The following TRPM3 variants were observed in gnomAD, a reference collection of about 807,000 sequenced individuals.
TRPM3 encodes long transient receptor potential channel 3.
TRPM3 carries 77 observed loss-of-function variants against 181.2 expected under a neutral mutation model. That is an observed-to-expected ratio of 0.42 (90% confidence interval 0.35 to 0.51). The LOEUF is 0.51. TRPM3 is among the 20% of genes least tolerant of loss of function. TRPM3 has a pLI of 0.01. For missense variants in TRPM3, 1,759 were observed against 2,196.7 expected (o/e 0.80, Z 3.98); for synonymous variants, 745 against 796.4 (o/e 0.94, Z 1.09).
chr9:70,869,791 T>A (rs1218788320), intron 1 of TRPM3, among the ~76,000 whole-genome samples: 1 of 151,996 alleles, frequency 6.6e-6, no homozygotes, highest in African/African-American at 2.4e-5. Flanking sequence ...TGGATGCAGA[T>A]CAAAAGTTGT....
intron 1 of TRPM3, among the ~76,000 whole-genome samples, chr9:71,226,923 A>G (rs1226803156): frequency 6.6e-6 from 1 of 151,932 alleles, no homozygotes; most frequent in African/African-American, 2.4e-5. Flanking sequence ...ATTTAATCCA[A>G]TGACTGCAGA....
chr9:71,316,340 G>A (rs1452501364), intron 1 of TRPM3, among the ~76,000 whole-genome samples: 1 of 152,074 alleles, frequency 6.6e-6, no homozygotes, highest in Non-Finnish European at 1.5e-5. Flanking sequence ...AACTGTTCTA[G>A]TATTTTACCC....
intron 7 of TRPM3, among the ~76,000 whole-genome samples, chr9:70,766,895 T>C (rs1268811626): frequency 6.6e-6 from 1 of 152,240 alleles, no homozygotes; most frequent in African/African-American, 2.4e-5. Context: ...TGTTCTATTT[T>C]TCATATATGT....
intron 1 of TRPM3, among the ~76,000 whole-genome samples, chr9:71,172,953 G>C (rs968820646): frequency 2.6e-5 from 4 of 152,148 alleles, no homozygotes; most frequent in Non-Finnish European, 5.9e-5. Flanking sequence ...AAGTAAGTGG[G>C]CATAAACACA....
Position 70,534,088 on chromosome 9 carries a change from T to C in TRPM3, c.*1865A>G, listed in dbSNP as rs2131555886. The C allele has an allele frequency of 6.6e-6, 1 of 152,294 alleles. No individual in the cohort carries two copies. The highest frequency in any genetic ancestry group is 1.9e-4 in the East Asian group (1 of 5,186). 9.4% of individuals were successfully genotyped at this position (152,294 alleles called of 1,614,324 possible). On this transcript the variant is annotated 3_prime_UTR_variant, in exon 26 of 26. Coordinates refer to ENST00000677713, the MANE Select transcript of TRPM3 (RefSeq NM_001366145.2). ...AATGAGCCAAATAGGAATCCAAAGA[T>C]TTGGGGTCAAGATTTCTTTATCCCA...
At chr9:70,667,498 C>T (rs768177896) in intron 9 of TRPM3, among the ~76,000 whole-genome samples, 5 of 152,138 alleles carry the variant, frequency 3.3e-5, no homozygotes, top group Admixed American at 1.3e-4. Flanking sequence ...AGTGTTGTGG[C>T]CCAGGTCTCA....
At chr9:71,023,425 A>G (rs996180943) in intron 1 of TRPM3, among the ~76,000 whole-genome samples, 1 of 152,194 alleles carries the variant, frequency 6.6e-6, no homozygotes, top group African/African-American at 2.4e-5. Context: ...ATAGTTTGTC[A>G]ATGTCTCATA....
chr9:71,385,594 T>G (rs1355860413), intron 1 of TRPM3, among the ~76,000 whole-genome samples: 1 of 152,188 alleles, frequency 6.6e-6, no homozygotes, highest in East Asian at 1.9e-4. Context: ...CAACACTCAT[T>G]CAAATTAAAT....
intron 12 of TRPM3, among the ~76,000 whole-genome samples, chr9:70,628,877 G>A (rs1376879438): frequency 1.4e-5 from 2 of 146,526 alleles, no homozygotes; most frequent in Admixed American, 6.9e-5. Flanking sequence ...TAACACCTAT[G>A]TATTTTGCTT....
intron 1 of TRPM3, among the ~76,000 whole-genome samples, chr9:71,253,422 G>T (rs965985730): frequency 1.3e-5 from 2 of 152,164 alleles, no homozygotes; most frequent in Admixed American, 1.3e-4. Context: ...CTGTCATCTA[G>T]TTGGTAGAGG....
At chr9:70,809,625 T>C (rs1308829250) in intron 6 of TRPM3, among the ~76,000 whole-genome samples, 1 of 152,214 alleles carries the variant, frequency 6.6e-6, no homozygotes, top group East Asian at 1.9e-4. Context: ...TTATACCTTC[T>C]AGGTTTGTAT....
intron 1 of TRPM3, among the ~76,000 whole-genome samples, chr9:71,147,845 G>A (rs941081258): frequency 3.3e-5 from 5 of 152,062 alleles, no homozygotes; most frequent in African/African-American, 1.2e-4. Context: ...CAATAAACAG[G>A]GGCCTTACAA....
chr9:71,438,657 A>T (rs1194098917), intron 1 of TRPM3, among the ~76,000 whole-genome samples: 1 of 152,230 alleles, frequency 6.6e-6, no homozygotes, highest in Non-Finnish European at 1.5e-5. Context: ...TGGGCGATAG[A>T]GTGAGACTCT....
chr9:70,956,922 T>A (rs939947083), intron 1 of TRPM3, among the ~76,000 whole-genome samples: 1 of 151,076 alleles, frequency 6.6e-6, no homozygotes, highest in Non-Finnish European at 1.5e-5. Flanking sequence ...AATTTTGACA[T>A]TTAAAAAAAA....
Position 70,538,485 on chromosome 9 carries a change from A to G in TRPM3, c.3708-1080T>C, listed in dbSNP as rs112234595. Among the ~76,000 whole-genome samples, 1,105 of 152,184 alleles carry G rather than the reference A, an allele frequency of 7.3e-3. 28 individuals are homozygous for G. The East Asian group carries it at 0.097, about 13-fold the overall frequency. On this transcript the variant is annotated intron_variant, in intron 25 of 25. Transcript: ENST00000677713. ...ACTCTGTTACTTAGGCTGAAGTGCA[A>G]TGGTGTGATCATGGCTCACTGCAGC...
chr9:70,632,793 A>G (rs1232516884), intron 12 of TRPM3, among the ~76,000 whole-genome samples: 1 of 152,086 alleles, frequency 6.6e-6, no homozygotes, highest in East Asian at 1.9e-4. Flanking sequence ...TTGTTAGTCT[A>G]TATTATTTTT....
chr9:71,164,086 T>G (rs570463324), intron 1 of TRPM3, among the ~76,000 whole-genome samples: 1 of 152,216 alleles, frequency 6.6e-6, no homozygotes, highest in East Asian at 1.9e-4. Context: ...CCTCCTGGCA[T>G]CCAAGGGGAG....
At chr9:71,434,973 A>T (rs1268485512) in intron 1 of TRPM3, among the ~76,000 whole-genome samples, 3 of 152,310 alleles carry the variant, frequency 2.0e-5, no homozygotes, top group African/African-American at 7.2e-5. Context: ...GTTCTCATTC[A>T]TTGAGAAGAA....
chr9:70,621,423 G>A (rs942891026), intron 14 of TRPM3, 150 bp from the exon 15 acceptor site: 8 of 443,956 alleles, frequency 1.8e-5, no homozygotes, highest in Middle Eastern at 7.2e-4. Context: ...GGAGTGTAGA[G>A]GCATGATCAT....
Sources: gnomAD v4.1 joint callset for allele counts (sites outside exome capture counted in the v4.1 genomes callset) on GRCh38, gnomAD v4.1.1 for gene constraint, MANE v1.5 for transcripts, NCBI Gene and HGNC (gene_info 2026-07-23, HGNC 2026-07-21) for gene names.